CSMD1: variants seen among roughly 807,000 people sequenced by gnomAD.
CSMD1 encodes the protein CUB and Sushi multiple domains 1, also known as CUB and sushi domain-containing protein 1.
A neutral mutation model predicts 417.5 loss-of-function variants in CSMD1; 213 were observed. The observed-to-expected ratio is 0.51, with a 90% confidence interval of 0.46 to 0.57. The LOEUF is 0.57. CSMD1 is among the 20% of genes least tolerant of loss of function. The pLI, the probability that CSMD1 is intolerant of heterozygous loss-of-function variation, is 0.00. For missense variants in CSMD1, 6,923 were observed against 4,529.7 expected (o/e 1.53, Z -15.17); for synonymous variants, 2,862 against 1,736.8 (o/e 1.65, Z -16.11).
chr8:4,954,185 A>G (rs1022143624), intron 1 of CSMD1, among the ~76,000 whole-genome samples: 3 of 152,252 alleles, frequency 2.0e-5, no homozygotes, highest in African/African-American at 7.2e-5. Flanking sequence ...ATAAACAAAC[A>G]GAAAACACAT....
chr8:3,647,317 C>T (rs772039269), intron 7 of CSMD1, among the ~76,000 whole-genome samples: 1 of 152,120 alleles, frequency 6.6e-6, no homozygotes, highest in Non-Finnish European at 1.5e-5. Flanking sequence ...GGGTTGTATC[C>T]TTGGCCAGGA....
At chr8:4,583,938 A>G (rs1223646628) in intron 2 of CSMD1, among the ~76,000 whole-genome samples, 1 of 151,822 alleles carries the variant, frequency 6.6e-6, no homozygotes, top group Non-Finnish European at 1.5e-5. Flanking sequence ...TGTAACACTC[A>G]CCGCCAAAGT....
At chr8:3,335,390 A>T (rs1055028435) in intron 23 of CSMD1, among the ~76,000 whole-genome samples, 14 of 152,188 alleles carry the variant, frequency 9.2e-5, no homozygotes, top group Admixed American at 3.3e-4. Flanking sequence ...ATAAGAAGAA[A>T]GGTTTGGCCA....
intron 53 of CSMD1, among the ~76,000 whole-genome samples, chr8:2,999,611 C>T (rs867190689): frequency 1.3e-5 from 2 of 152,204 alleles, no homozygotes; most frequent in Non-Finnish European, 2.9e-5. Context: ...TGCACCTCCA[C>T]CCTCCTACTA....
At chr8:4,573,028 T>A (rs969312636) in intron 2 of CSMD1, among the ~76,000 whole-genome samples, 5 of 152,198 alleles carry the variant, frequency 3.3e-5, no homozygotes, top group African/African-American at 1.2e-4. Flanking sequence ...TAATCTTTTA[T>A]CAAGGTTCTT....
At chr8:3,241,200 T>C (rs938118970) in intron 26 of CSMD1, among the ~76,000 whole-genome samples, 5 of 151,442 alleles carry the variant, frequency 3.3e-5, no homozygotes, top group East Asian at 1.9e-4. Flanking sequence ...ATAAGGGAAC[T>C]GGGCAGGTGG....
At chr8:3,775,605 T>C (rs1324859600) in intron 5 of CSMD1, among the ~76,000 whole-genome samples, 1 of 152,120 alleles carries the variant, frequency 6.6e-6, no homozygotes, top group African/African-American at 2.4e-5. Context: ...GTCAGTAAAG[T>C]TCGTAAATTG....
intron 5 of CSMD1, among the ~76,000 whole-genome samples, chr8:3,907,944 T>G (rs2627416): frequency 0.56 from 85,557 of 151,686 alleles, 25,324 homozygotes; most frequent in South Asian, 0.66. Context: ...TTGATTTTTT[T>G]GGGGGGTGTG....
intron 1 of CSMD1, among the ~76,000 whole-genome samples, chr8:4,901,093 G>C (rs1209194384): frequency 6.6e-6 from 1 of 152,168 alleles, no homozygotes; most frequent in Non-Finnish European, 1.5e-5. Context: ...TTATTATTTT[G>C]GGCAACAGTA....
At chr8:4,375,212 GGATA>G (rs1268111785) in intron 3 of CSMD1, among the ~76,000 whole-genome samples, 3 of 152,188 alleles carry the variant, frequency 2.0e-5, no homozygotes, top group East Asian at 1.9e-4. Flanking sequence ...TTGCCCACGG[GGATA>G]GATAGTTTGG....
At chr8:4,246,285 G>T (rs566156718) in intron 3 of CSMD1, among the ~76,000 whole-genome samples, 1 of 152,070 alleles carries the variant, frequency 6.6e-6, no homozygotes, top group Non-Finnish European at 1.5e-5. Context: ...TTGGTTTTCT[G>T]TTCCTGGGTT....
intron 5 of CSMD1, among the ~76,000 whole-genome samples, chr8:3,864,743 G>C (rs937082745): frequency 1.3e-5 from 2 of 152,034 alleles, no homozygotes; most frequent in African/African-American, 2.4e-5. Context: ...TCCTCTCCTA[G>C]TAAATTAAAC....
chr8:4,337,023 C>T (rs1563069185), intron 3 of CSMD1, among the ~76,000 whole-genome samples: 1 of 152,034 alleles, frequency 6.6e-6, no homozygotes, highest in Non-Finnish European at 1.5e-5. Flanking sequence ...ACTAAATCTG[C>T]AATTATAAAC....
chr8:3,271,409 A>T (rs1801845233), intron 26 of CSMD1, among the ~76,000 whole-genome samples: 1 of 151,874 alleles, frequency 6.6e-6, no homozygotes, highest in South Asian at 2.1e-4. Flanking sequence ...GTGTCTTTAT[A>T]GCAGCATGAT....
chr8:3,927,080 G>T (rs181026348), intron 5 of CSMD1, among the ~76,000 whole-genome samples: 5 of 151,832 alleles, frequency 3.3e-5, no homozygotes, highest in Non-Finnish European at 7.4e-5. Context: ...AGTATTTATT[G>T]TAATTATCTT....
At chr8:4,556,937 G>A (rs917213289) in intron 2 of CSMD1, among the ~76,000 whole-genome samples, 1 of 152,182 alleles carries the variant, frequency 6.6e-6, no homozygotes, top group African/African-American at 2.4e-5. Context: ...TCAGATAAGT[G>A]ATATTCAACC....
chr8:4,983,697 T>G (rs1464681943), intron 1 of CSMD1, among the ~76,000 whole-genome samples: 2 of 152,042 alleles, frequency 1.3e-5, no homozygotes, highest in Non-Finnish European at 2.9e-5. Flanking sequence ...TAATTTTTTT[T>G]TTCGTATTTT....
chr8:3,846,365 C>G (rs1452318481), intron 5 of CSMD1, among the ~76,000 whole-genome samples: 2 of 152,152 alleles, frequency 1.3e-5, no homozygotes, highest in African/African-American at 2.4e-5. Flanking sequence ...ATTAAAATGT[C>G]TTTATGTGGT....
chr8:4,599,593 T>C (rs1371262549), intron 2 of CSMD1, among the ~76,000 whole-genome samples: 1 of 152,120 alleles, frequency 6.6e-6, no homozygotes, highest in Non-Finnish European at 1.5e-5. Context: ...AATATAAATG[T>C]ATACTGTACT....
Sources: gnomAD v4.1 joint callset for allele counts (sites outside exome capture counted in the v4.1 genomes callset) on GRCh38, gnomAD v4.1.1 for gene constraint, MANE v1.5 for transcripts, NCBI Gene and HGNC (gene_info 2026-07-23, HGNC 2026-07-21) for gene names.